Variants in KIAA1671 observed in about 807,000 individuals in gnomAD.
The protein encoded by KIAA1671 is uncharacterized protein KIAA1671.
Under a neutral mutation model 131.2 loss-of-function variants are expected in KIAA1671, and 52 were observed. The observed-to-expected ratio is 0.40, with a 90% CI of 0.32 to 0.50. The LOEUF is 0.50. Ranked by LOEUF, KIAA1671 falls within the 20% of genes least tolerant of loss-of-function variation. KIAA1671 has a pLI of 0.73. For missense variants in KIAA1671, 2,360 were observed against 2,364.2 expected (o/e 1.00, Z 0.04); for synonymous variants, 1,003 against 961.6 (o/e 1.04, Z -0.80).
At chr22:25,107,071 T>C (rs921757855) in intron 6 of KIAA1671, among the ~76,000 whole-genome samples, 1 of 152,032 alleles carries the variant, frequency 6.6e-6, no homozygotes, top group African/African-American at 2.4e-5. Flanking sequence ...AAAAATTATA[T>C]AGGAAAACAC....
At chr22:24,968,666 C>T (rs1922434024) in intron 1 of KIAA1671, among the ~76,000 whole-genome samples, 1 of 152,056 alleles carries the variant, frequency 6.6e-6, no homozygotes, top group African/African-American at 2.4e-5. Context: ...TAAGTAAAGC[C>T]CCCACTGTGT....
At chr22:24,961,460 A>T (rs563497060) in intron 1 of KIAA1671, among the ~76,000 whole-genome samples, 25 of 152,336 alleles carry the variant, frequency 1.6e-4, no homozygotes, top group Non-Finnish European at 2.9e-4. Flanking sequence ...CTTTAACAGC[A>T]AACATTTGTT....
intron 6 of KIAA1671, among the ~76,000 whole-genome samples, chr22:25,122,735 G>A (rs763102370): frequency 2.0e-5 from 3 of 152,200 alleles, no homozygotes; most frequent in Non-Finnish European, 4.4e-5. Context: ...AGCACTTTGG[G>A]AGGCCGAGGC....
intron 6 of KIAA1671, among the ~76,000 whole-genome samples, chr22:25,079,010 A>C (rs958569831): frequency 3.3e-5 from 5 of 152,140 alleles, no homozygotes; most frequent in African/African-American, 1.2e-4. Flanking sequence ...ATAGAGTAGA[A>C]ATATTGATAG....
At chr22:25,001,392 T>C (rs1241311414) in intron 1 of KIAA1671, among the ~76,000 whole-genome samples, 2 of 152,184 alleles carry the variant, frequency 1.3e-5, no homozygotes, top group African/African-American at 4.8e-5. Context: ...ATCTATTCCA[T>C]GTTTTCCTCT....
At chr22:25,036,199 G>A (rs1926584478) in intron 4 of KIAA1671, among the ~76,000 whole-genome samples, 1 of 152,064 alleles carries the variant, frequency 6.6e-6, no homozygotes, top group African/African-American at 2.4e-5. Flanking sequence ...TCCTGCCTCA[G>A]CCTCCTGAGT....
chr22:24,970,613 A>G (rs1276089659), intron 1 of KIAA1671, among the ~76,000 whole-genome samples: 2 of 151,884 alleles, frequency 1.3e-5, no homozygotes, highest in Admixed American at 6.6e-5. Context: ...CCTTCTCATC[A>G]TCATCATCAT....
chr22:25,145,265 G>C (rs1439669920), intron 6 of KIAA1671, among the ~76,000 whole-genome samples: 6 of 152,212 alleles, frequency 3.9e-5, no homozygotes, highest in Admixed American at 3.9e-4. Context: ...AGTGGGGGTG[G>C]GTTGAGTTAA....
At position 25,174,320 on chromosome 22, in the gene KIAA1671, C is replaced by T. The variant is rs1933949287; in HGVS notation, c.4730C>T (p.Ser1577Phe). ...AGCAGCCGTTTGTCTTCTCTGTCCT[C>T]CCAAACGGAGCCCACCTCGGCAGGG... The part of the protein sequence containing the change: ...PPSSRLSSLS[S>F]QTEPTSAGDQ... Residue 1577 changes from serine (S) to phenylalanine (F), a missense_variant, in exon 8 of 13, where the codon TCC becomes TTC. This residue lies in a region of KIAA1671 where 1,161 missense variants were observed against 1,204.7 expected (regional missense o/e 0.96). Coordinates refer to ENST00000358431, the MANE Select transcript of KIAA1671 (RefSeq NM_001145206.2). The T allele has an allele frequency of 6.4e-7, 1 of 1,551,922 alleles. No individual in the cohort carries two copies. The highest frequency in any genetic ancestry group is 2.4e-5 in the East Asian group (1 of 40,900).
At chr22:25,076,961 T>C (rs1003170782) in intron 6 of KIAA1671, among the ~76,000 whole-genome samples, 1 of 152,122 alleles carries the variant, frequency 6.6e-6, no homozygotes, top group Admixed American at 6.5e-5. Context: ...TCCTCCAAGG[T>C]CCCCGGCTAG....
intron 1 of KIAA1671, among the ~76,000 whole-genome samples, chr22:24,994,954 T>A (rs1924033066): frequency 6.6e-6 from 1 of 151,686 alleles, no homozygotes; most frequent in Non-Finnish European, 1.5e-5. Flanking sequence ...CTGTTCCTCC[T>A]CCTGCTTTCC....
intron 6 of KIAA1671, among the ~76,000 whole-genome samples, chr22:25,122,030 G>A (rs1296078226): frequency 2.0e-5 from 3 of 152,160 alleles, no homozygotes; most frequent in African/African-American, 7.2e-5. Context: ...TTGCTATGTG[G>A]CTTTGGGTAG....
At chr22:25,071,025 C>T (rs1003840769) in intron 6 of KIAA1671, among the ~76,000 whole-genome samples, 1 of 152,218 alleles carries the variant, frequency 6.6e-6, no homozygotes, top group African/African-American at 2.4e-5. Flanking sequence ...TCAGGTCTCA[C>T]TTTGACTTCG....
chr22:25,003,434 C>G (rs1305965292), intron 1 of KIAA1671, among the ~76,000 whole-genome samples: 1 of 108,778 alleles, frequency 9.2e-6, no homozygotes. Flanking sequence ...TTTTTTGAGA[C>G]GGAGTCTTGC....
intron 1 of KIAA1671, among the ~76,000 whole-genome samples, chr22:24,970,820 G>GCCAT (rs994621488): frequency 5.3e-4 from 80 of 151,836 alleles, no homozygotes; most frequent in African/African-American, 1.9e-3. Context: ...CAGCCCGAGG[G>GCCAT]CCATGGTTTA....
chr22:24,963,364 CAA>C (rs766667437), intron 1 of KIAA1671, among the ~76,000 whole-genome samples: 263 of 46,624 alleles, frequency 5.6e-3, no homozygotes, highest in Middle Eastern at 0.01. Flanking sequence ...AACTCCATCT[CAA>C]AAAAAAAAAA....
At chr22:25,020,894 A>C (rs1370877047) in intron 1 of KIAA1671, among the ~76,000 whole-genome samples, 3 of 152,156 alleles carry the variant, frequency 2.0e-5, no homozygotes, top group African/African-American at 7.2e-5. Flanking sequence ...TGGATCCTGT[A>C]GGGCCTCGGG....
At chr22:25,114,005 A>C (rs1931526471) in intron 6 of KIAA1671, among the ~76,000 whole-genome samples, 1 of 152,132 alleles carries the variant, frequency 6.6e-6, no homozygotes, top group South Asian at 2.1e-4. Flanking sequence ...TGGTGTGACC[A>C]TGGGCATTGG....
intron 1 of KIAA1671, among the ~76,000 whole-genome samples, chr22:24,971,236 G>A (rs927023032): frequency 2.0e-5 from 3 of 152,186 alleles, no homozygotes; most frequent in Non-Finnish European, 4.4e-5. Context: ...GATTACAGGT[G>A]TGAGCCACCA....
Sources: allele counts gnomAD v4.1 joint callset (sites outside exome capture counted in the v4.1 genomes callset), GRCh38; gene constraint gnomAD v4.1.1; regional missense constraint gnomAD v4.1.1; transcripts MANE v1.5; gene names NCBI Gene and HGNC (gene_info 2026-07-23, HGNC 2026-07-21).